LAMA2: variants seen among roughly 807,000 people sequenced by gnomAD.
LAMA2 encodes laminin subunit alpha 2, also known as laminin subunit alpha-2.
LAMA2 carries 269 observed loss-of-function variants against 364.8 expected under a neutral mutation model. That is an observed-to-expected ratio of 0.74 (90% confidence interval 0.67 to 0.82). The LOEUF (loss-of-function observed/expected upper bound fraction) is 0.82, where lower values mean the gene tolerates loss of function less well. LAMA2 is among the 40% of genes least tolerant of loss of function. LAMA2 has a pLI of 0.00. For missense variants in LAMA2, 3,807 were observed against 3,873.2 expected (o/e 0.98, Z 0.45); for synonymous variants, 1,379 against 1,370.6 (o/e 1.01, Z -0.14).
At chr6:128,905,692 G>C (rs1466651759) in intron 1 of LAMA2, 1 of 151,234 alleles carries the variant, frequency 6.6e-6, no homozygotes, top group Admixed American at 6.6e-5. Context: ...GTGCAGGTTA[G>C]TTACATATGT....
At chr6:129,296,239 T>C (rs147655116) in intron 20 of LAMA2, among the ~76,000 whole-genome samples, 151 of 152,166 alleles carry the variant, frequency 9.9e-4, no homozygotes, top group Middle Eastern at 3.4e-3. Context: ...GCTTTTGCTT[T>C]AATAATATTC....
chr6:129,489,830 G>C (rs1469752380), intron 56 of LAMA2, among the ~76,000 whole-genome samples: 1 of 151,280 alleles, frequency 6.6e-6, no homozygotes, highest in Non-Finnish European at 1.5e-5. Context: ...AACTGATATG[G>C]TTTTAAAAAA....
In LAMA2 at chr6:129,250,097, T is replaced by C; in HGVS notation, c.1783-15T>C. ...TCTCCTATCCCGTAATGATTATGCA[T>C]CTTCTGTCTTGTAGCTCCCAGCAGT... On this transcript the variant is annotated splice_polypyrimidine_tract_variant and intron_variant, in intron 12 of 64. Coordinates refer to ENST00000421865, the MANE Select transcript of LAMA2 (RefSeq NM_000426.4). The C allele has an allele frequency of 7.0e-7, 1 of 1,438,486 alleles. No individual in the cohort carries two copies. The highest frequency in any genetic ancestry group is 9.8e-7 in the Non-Finnish European group (1 of 1,020,492). 89.1% of individuals were successfully genotyped at this position (1,438,486 alleles called of 1,614,324 possible).
chr6:129,255,557 C>A (rs1036821964), intron 14 of LAMA2, among the ~76,000 whole-genome samples: 3 of 151,886 alleles, frequency 2.0e-5, no homozygotes, highest in Admixed American at 2.0e-4. Flanking sequence ...GGAGTTGTTA[C>A]CACAGCATAA....
chr6:129,383,137 G>A lies in LAMA2; in HGVS notation c.4975G>A (p.Ala1659Thr). ...GGATCATTAGGCTACCAAAGTGACA[G>A]CAGATGGCGAGCAGACCGGACAGGA... ...ELLTRATKVT[A>T]DGEQTGQDAE... Residue 1659 changes from alanine to threonine, a missense_variant, in exon 35 of 65, where the codon GCA (alanine) becomes ACA (threonine). Physicochemically the swap from Ala to Thr is moderately conservative, Grantham distance 58. Transcript: ENST00000421865. 1.2e-6 allele frequency: 2 copies of A among 1,613,700 alleles called. No homozygotes were observed. The highest frequency in any genetic ancestry group is 8.5e-7 in the Non-Finnish European group (1 of 1,179,812).
At chr6:129,241,809 A>G (rs1463318974) in intron 12 of LAMA2, among the ~76,000 whole-genome samples, 1 of 152,180 alleles carries the variant, frequency 6.6e-6, no homozygotes, top group Non-Finnish European at 1.5e-5. Context: ...AGTGTGACTT[A>G]GTATCCATTG....
At chr6:129,056,722 T>A (rs932707610) in intron 2 of LAMA2, among the ~76,000 whole-genome samples, 1 of 152,118 alleles carries the variant, frequency 6.6e-6, no homozygotes, top group Admixed American at 6.5e-5. Context: ...ATGCCAAATT[T>A]AGTGAATATT....
At chr6:129,474,100 A>G (rs1783950819) in intron 52 of LAMA2, among the ~76,000 whole-genome samples, 1 of 152,100 alleles carries the variant, frequency 6.6e-6, no homozygotes, top group Non-Finnish European at 1.5e-5. Context: ...AGAGTTTATT[A>G]CAGACTACCA....
intron 34 of LAMA2, among the ~76,000 whole-genome samples, chr6:129,371,957 T>C (rs1778110398): frequency 6.6e-6 from 1 of 152,174 alleles, no homozygotes; most frequent in Non-Finnish European, 1.5e-5. Context: ...TCTCAACCTA[T>C]ACTCTTTACC....
At chr6:129,292,988 G>A in intron 20 of LAMA2, 2 of 985,870 alleles carry the variant, frequency 2.0e-6, no homozygotes, top group South Asian at 9.4e-5. Context: ...GAGCGCAACG[G>A]GTGCTGGGTT....
In LAMA2 at chr6:128,944,849, G is replaced by C. The variant is rs372395156; in HGVS notation, c.112+61492G>C. Among the ~76,000 whole-genome samples the C allele has an allele frequency of 2.6e-5, 4 of 152,196 alleles. No homozygotes were observed. The South Asian group carries it at 8.3e-4, about 32-fold the overall frequency. Reference sequence around the variant, plus strand: ...GCTACATACTTTAAAATGACCTCATGAGAACTCACTGTCATGAGGACAGTT... The same window carrying C: ...GCTACATACTTTAAAATGACCTCATCAGAACTCACTGTCATGAGGACAGTT... On this transcript the variant is annotated intron_variant, in intron 1 of 64. Coordinates refer to ENST00000421865, the MANE Select transcript of LAMA2 (RefSeq NM_000426.4).
chr6:129,266,331 A>G (rs1003749828), intron 15 of LAMA2, among the ~76,000 whole-genome samples: 1 of 152,160 alleles, frequency 6.6e-6, no homozygotes, highest in Non-Finnish European at 1.5e-5. Context: ...GACACAGGGA[A>G]TCTAAGACTA....
intron 17 of LAMA2, 82 bp from the exon 18 acceptor site, chr6:129,279,977 GGA>G (rs1788607016): frequency 3.4e-6 from 3 of 892,366 alleles, no homozygotes; most frequent in African/African-American, 1.6e-5. Flanking sequence ...GAGCAGTAGT[GGA>G]GAGAGAGAAA....
intron 12 of LAMA2, among the ~76,000 whole-genome samples, chr6:129,200,374 GTGTACACATATACATGTGTATATACA>G (rs1417204326): frequency 6.8e-6 from 1 of 146,238 alleles, no homozygotes; most frequent in Non-Finnish European, 1.5e-5. Context: ...ACACGTGTAT[GTGTACACATATACATGTGTATATACA>G]TGTACACATA....
intron 20 of LAMA2, among the ~76,000 whole-genome samples, chr6:129,295,702 TG>T (rs2114445190): frequency 6.6e-6 from 1 of 152,086 alleles, no homozygotes; most frequent in African/African-American, 2.4e-5. Context: ...GATATTTGAT[TG>T]ATTTAAAGGG....
chr6:129,398,472 CTTTTT>C (rs71028159), intron 37 of LAMA2, among the ~76,000 whole-genome samples: 2 of 110,550 alleles, frequency 1.8e-5, no homozygotes, highest in African/African-American at 3.6e-5. Flanking sequence ...CTTTTCTTTT[CTTTTT>C]TTTTTTTTTT....
chr6:128,907,846 T>G (rs1170275801), intron 1 of LAMA2, among the ~76,000 whole-genome samples: 3 of 152,090 alleles, frequency 2.0e-5, no homozygotes, highest in South Asian at 2.1e-4. Flanking sequence ...TAGCATGAAG[T>G]GTGGTTGAAT....
intron 58 of LAMA2, among the ~76,000 whole-genome samples, chr6:129,496,470 T>A (rs1785203374): frequency 6.6e-6 from 1 of 152,102 alleles, no homozygotes; most frequent in Non-Finnish European, 1.5e-5. Context: ...CCGGCCTATT[T>A]CCCCTTCTTT....
intron 40 of LAMA2, among the ~76,000 whole-genome samples, chr6:129,423,955 G>A (rs1191239553): frequency 6.6e-6 from 1 of 151,970 alleles, no homozygotes; most frequent in Non-Finnish European, 1.5e-5. Flanking sequence ...ATGTTGGAAA[G>A]GTTATACTAC....
Sources: gnomAD v4.1 joint callset for allele counts (sites outside exome capture counted in the v4.1 genomes callset) on GRCh38, gnomAD v4.1.1 for gene constraint, MANE v1.5 for transcripts, NCBI Gene and HGNC (gene_info 2026-07-23, HGNC 2026-07-21) for gene names.